FNDC3A: variants seen among roughly 807,000 people sequenced by gnomAD.
FNDC3A encodes the protein fibronectin type-III domain-containing protein 3A.
A neutral mutation model predicts 148.9 loss-of-function variants in FNDC3A; 32 were observed. The observed-to-expected ratio is 0.21, with a 90% confidence interval of 0.16 to 0.29. The LOEUF is 0.29. Ranked by LOEUF, FNDC3A falls within the 10% of genes least tolerant of loss-of-function variation. FNDC3A has a pLI of 1.00. For missense variants in FNDC3A, 1,191 were observed against 1,452.8 expected, an observed-to-expected ratio of 0.82 and a Z score of 2.93; for synonymous variants, 472 against 473.6, an observed-to-expected ratio of 1.00 and a Z score of 0.04.
At position 48,999,640 on chromosome 13, in the gene FNDC3A, G is replaced by A. The variant is rs576867769; in HGVS notation, c.-39-6512G>A. ...ATAGACTGAATATTAGTGTCTCTCC[G>A]GAATTCATATATTGAACCCCTAACC... On this transcript the variant is annotated intron_variant, in intron 1 of 25. Transcript: ENST00000492622. 7.9e-5 allele frequency among the ~76,000 whole-genome samples: 12 copies of A among 152,180 alleles called. No homozygotes were observed. The South Asian group carries it at 1.2e-3, about 16-fold the overall frequency.
At chr13:49,016,654 T>C (rs7995052) in intron 2 of FNDC3A, among the ~76,000 whole-genome samples, 148,857 of 151,822 alleles carry the variant, frequency 0.98, 73,006 homozygotes, top group South Asian at 1. Flanking sequence ...CTTTTGAATG[T>C]GTTTGCTCTT....
intron 14 of FNDC3A, among the ~76,000 whole-genome samples, chr13:49,185,581 T>C (rs1368926450): frequency 2.0e-5 from 3 of 152,196 alleles, no homozygotes; most frequent in Non-Finnish European, 4.4e-5. Flanking sequence ...CTTCACCTTT[T>C]GAAGAAAGGA....
chr13:49,060,471 C>T (rs1387522262), intron 2 of FNDC3A, among the ~76,000 whole-genome samples: 2 of 151,946 alleles, frequency 1.3e-5, no homozygotes, highest in Non-Finnish European at 1.5e-5. Flanking sequence ...TGGTGAAACC[C>T]CATCTCCATT....
chr13:48,990,267 T>G (rs986305975), intron 1 of FNDC3A, among the ~76,000 whole-genome samples: 3 of 152,034 alleles, frequency 2.0e-5, no homozygotes, highest in Non-Finnish European at 2.9e-5. Flanking sequence ...AAATAATTTA[T>G]CACTTTCATT....
chr13:49,122,666 C>G (rs1593621156), intron 4 of FNDC3A, among the ~76,000 whole-genome samples: 1 of 152,286 alleles, frequency 6.6e-6, no homozygotes, highest in East Asian at 1.9e-4. Context: ...GATACAAAAT[C>G]AATGTGCAAA....
In FNDC3A at chr13:49,027,311, G is replaced by A. The variant is rs112408207; in HGVS notation, c.99+21022G>A. ...GATACTAATAAAACAGTTAGAAATG[G>A]CAGCACCAAACCGATAGGAATGGTT... On this transcript the variant is annotated intron_variant, in intron 2 of 25. Coordinates refer to ENST00000492622, the MANE Select transcript of FNDC3A (RefSeq NM_001079673.2). Among the ~76,000 whole-genome samples the A allele has an allele frequency of 4.6e-3, 700 of 152,270 alleles. 2 individuals carry two copies. Among genetic ancestry groups the A allele is most frequent in the Non-Finnish European group, 7.6e-3 (518 of 68,022 alleles).
At chr13:49,049,649 A>G (rs1041170916) in intron 2 of FNDC3A, among the ~76,000 whole-genome samples, 4 of 152,152 alleles carry the variant, frequency 2.6e-5, no homozygotes, top group Non-Finnish European at 5.9e-5. Context: ...TGGTATCAGT[A>G]GTAATAGCTC....
intron 14 of FNDC3A, among the ~76,000 whole-genome samples, chr13:49,181,352 A>G (rs566701213): frequency 1.3e-5 from 2 of 152,326 alleles, no homozygotes; most frequent in Non-Finnish European, 2.9e-5. Flanking sequence ...TTTTGTCAGT[A>G]TCGCCTGAGA....
chr13:49,043,424 TA>T (rs1875107201), intron 2 of FNDC3A, among the ~76,000 whole-genome samples: 1 of 152,218 alleles, frequency 6.6e-6, no homozygotes, highest in Admixed American at 6.5e-5. Flanking sequence ...TTTATGTGCT[TA>T]AAATGAAAGT....
chr13:49,051,759 A>G (rs1247037393), intron 2 of FNDC3A, among the ~76,000 whole-genome samples: 1 of 152,182 alleles, frequency 6.6e-6, no homozygotes, highest in Non-Finnish European at 1.5e-5. Context: ...TATCCCCTCA[A>G]ATACGTTTTC....
At chr13:49,177,411 T>C (rs1335979292) in intron 13 of FNDC3A, among the ~76,000 whole-genome samples, 2 of 152,206 alleles carry the variant, frequency 1.3e-5, no homozygotes, top group Non-Finnish European at 2.9e-5. Flanking sequence ...TCCTATTACC[T>C]AGAGGCTAGC....
chr13:49,001,944 C>T (rs1450415523), intron 1 of FNDC3A, among the ~76,000 whole-genome samples: 2 of 152,150 alleles, frequency 1.3e-5, no homozygotes, highest in African/African-American at 4.8e-5. Flanking sequence ...ACGCTCCCTC[C>T]CCTTTTGAAA....
chr13:49,076,796 A>G (rs542812762), intron 3 of FNDC3A, among the ~76,000 whole-genome samples: 79 of 152,174 alleles, frequency 5.2e-4, no homozygotes, highest in African/African-American at 1.9e-3. Context: ...CCATCTTGTA[A>G]TATTTCTTCT....
chr13:49,168,377 T>C (rs978936602), intron 9 of FNDC3A, among the ~76,000 whole-genome samples: 5 of 152,084 alleles, frequency 3.3e-5, no homozygotes, highest in South Asian at 2.1e-4. Flanking sequence ...TTCAGGAATA[T>C]ATATGCACAC....
chr13:49,201,714 C>T lies in FNDC3A; in HGVS notation c.2988-86C>T, dbSNP rs1049896031. 1.3e-5 allele frequency: 8 copies of T among 611,888 alleles called. No individual in the cohort carries two copies. The African/African-American group carries it at 1.5e-4, about 12-fold the overall frequency. 37.9% of individuals were successfully genotyped at this position (611,888 alleles called of 1,614,324 possible). On this transcript the variant is annotated intron_variant, in intron 23 of 25. Transcript: ENST00000492622. ...TATCACTCCTAAATAATGTTCATAA[C>T]TGTGTTTTTATACTAGTTTGTAAAA...
chr13:49,186,131 T>C (rs1452816216), intron 15 of FNDC3A, 29 bp downstream of exon 15: 1 of 1,530,028 alleles, frequency 6.5e-7, no homozygotes, highest in South Asian at 1.2e-5. Flanking sequence ...TTATACATTA[T>C]TACTTTTGCG....
intron 3 of FNDC3A, among the ~76,000 whole-genome samples, chr13:49,101,975 C>G (rs181866210): frequency 6.6e-6 from 1 of 151,872 alleles, no homozygotes; most frequent in East Asian, 1.9e-4. Context: ...TGCTCATCCT[C>G]TAGTAAGAGC....
chr13:49,134,458 G>C (rs1409421470), intron 5 of FNDC3A, among the ~76,000 whole-genome samples: 1 of 152,004 alleles, frequency 6.6e-6, no homozygotes, highest in Non-Finnish European at 1.5e-5. Context: ...CCTTTGGGTT[G>C]TTTTCACTTT....
chr13:49,002,408 A>G (rs957030092), intron 1 of FNDC3A, among the ~76,000 whole-genome samples: 1 of 152,188 alleles, frequency 6.6e-6, no homozygotes, highest in Non-Finnish European at 1.5e-5. Flanking sequence ...TTCTACAGCA[A>G]TTGAGAATGA....
Sources: allele counts gnomAD v4.1 joint callset (sites outside exome capture counted in the v4.1 genomes callset), GRCh38; gene constraint gnomAD v4.1.1; transcripts MANE v1.5; gene names NCBI Gene and HGNC (gene_info 2026-07-23, HGNC 2026-07-21).